Variants in CACNA2D1 observed in about 807,000 individuals in gnomAD.
CACNA2D1 encodes calcium voltage-gated channel auxiliary subunit alpha2delta 1.
A neutral mutation model predicts 171.5 loss-of-function variants in CACNA2D1; 53 were observed. The observed-to-expected ratio is 0.31, with a 90% confidence interval of 0.25 to 0.39. The LOEUF is 0.39. CACNA2D1 is among the 10% of genes least tolerant of loss of function. CACNA2D1 has a pLI of 1.00. For missense variants in CACNA2D1, 903 were observed against 1,299.8 expected, an observed-to-expected ratio of 0.69 and a Z score of 4.69; for synonymous variants, 442 against 443.1, an observed-to-expected ratio of 1.00 and a Z score of 0.03.
chr7:82,002,042 A>AAAAAAG (rs1345439249), intron 18 of CACNA2D1, among the ~76,000 whole-genome samples: 15 of 140,858 alleles, frequency 1.1e-4, no homozygotes, highest in African/African-American at 3.3e-4. Flanking sequence ...AAAAAAAAAA[A>AAAAAAG]AGAGAGAGAG....
chr7:82,217,859 AT>A lies in CACNA2D1; in HGVS notation c.295-47251del, dbSNP rs199938027. On this transcript the variant is annotated intron_variant, in intron 3 of 38. Coordinates refer to ENST00000356860, the MANE Select transcript of CACNA2D1 (RefSeq NM_000722.4). The stretch of plus-strand genomic sequence containing the variant: ...CAGTGACCTACCTACATGTACTGAA[AT>A]TTTTTTTTTTTAATGTGGGAGGCAC... Among the ~76,000 whole-genome samples, 170 of 145,290 alleles carry A rather than the reference AT, an allele frequency of 1.2e-3. 1 individual carries two copies. Among genetic ancestry groups the A allele is most frequent in the East Asian group, 0.011 (55 of 5,054 alleles).
chr7:82,165,928 G>C (rs1203612227), intron 4 of CACNA2D1, among the ~76,000 whole-genome samples: 2 of 151,882 alleles, frequency 1.3e-5, no homozygotes, highest in Non-Finnish European at 2.9e-5. Context: ...ACAATGCTAC[G>C]CTCTCACTTT....
intron 1 of CACNA2D1, among the ~76,000 whole-genome samples, chr7:82,440,726 G>A (rs983271653): frequency 2.6e-5 from 4 of 151,660 alleles, no homozygotes; most frequent in Non-Finnish European, 5.9e-5. Flanking sequence ...TTAAACAGGA[G>A]AGCAAAAAAT....
intron 3 of CACNA2D1, among the ~76,000 whole-genome samples, chr7:82,304,719 G>T (rs188871730): frequency 6.6e-6 from 1 of 152,100 alleles, no homozygotes; most frequent in South Asian, 2.1e-4. Flanking sequence ...TAGGGGAGGG[G>T]TGTATAGAGA....
At chr7:81,985,329 G>A (rs1796859781) in intron 21 of CACNA2D1, among the ~76,000 whole-genome samples, 1 of 150,442 alleles carries the variant, frequency 6.6e-6, no homozygotes, top group South Asian at 2.1e-4. Flanking sequence ...AGCCCCCGAA[G>A]TAGCTGGGAC....
At chr7:82,120,246 G>A (rs1789561132) in intron 5 of CACNA2D1, among the ~76,000 whole-genome samples, 1 of 152,032 alleles carries the variant, frequency 6.6e-6, no homozygotes, top group African/African-American at 2.4e-5. Context: ...AACAAGCCTT[G>A]CATGCAATTC....
At chr7:82,264,719 C>G (rs1585265469) in intron 3 of CACNA2D1, among the ~76,000 whole-genome samples, 1 of 152,200 alleles carries the variant, frequency 6.6e-6, no homozygotes, top group Non-Finnish European at 1.5e-5. Context: ...TGTCTCACAG[C>G]TGCACTTTCC....
At chr7:82,200,888 A>T (rs903089615) in intron 3 of CACNA2D1, among the ~76,000 whole-genome samples, 2 of 152,236 alleles carry the variant, frequency 1.3e-5, no homozygotes, top group African/African-American at 2.4e-5. Context: ...CTTTTGAGAC[A>T]AGCAATCTTA....
At chr7:82,258,255 A>G (rs1218543840) in intron 3 of CACNA2D1, among the ~76,000 whole-genome samples, 1 of 152,022 alleles carries the variant, frequency 6.6e-6, no homozygotes. Context: ...CATTTCCTTT[A>G]TAAATTACAG....
intron 3 of CACNA2D1, among the ~76,000 whole-genome samples, chr7:82,217,238 C>G (rs979040475): frequency 6.6e-6 from 1 of 151,434 alleles, no homozygotes; most frequent in African/African-American, 2.4e-5. Context: ...CACAAGGTGA[C>G]AGTATCCTGA....
intron 5 of CACNA2D1, among the ~76,000 whole-genome samples, chr7:82,126,235 A>G (rs1429303074): frequency 6.6e-6 from 1 of 152,202 alleles, no homozygotes; most frequent in Non-Finnish European, 1.5e-5. Flanking sequence ...TATAATCTCA[A>G]TTATCACACT....
chr7:82,074,373 G>A (rs1200584566), intron 7 of CACNA2D1, among the ~76,000 whole-genome samples: 1 of 151,902 alleles, frequency 6.6e-6, no homozygotes, highest in Non-Finnish European at 1.5e-5. Flanking sequence ...GATTACAGGT[G>A]CCCGCCATTA....
At chr7:82,186,355 C>T (rs1022799555) in intron 3 of CACNA2D1, among the ~76,000 whole-genome samples, 1 of 152,046 alleles carries the variant, frequency 6.6e-6, no homozygotes, top group Non-Finnish European at 1.5e-5. Context: ...CTTAAATACG[C>T]CCCCTGATTG....
At chr7:82,299,668 A>AG (rs1812763071) in intron 3 of CACNA2D1, among the ~76,000 whole-genome samples, 1 of 152,010 alleles carries the variant, frequency 6.6e-6, no homozygotes, top group Non-Finnish European at 1.5e-5. Context: ...TCAAAAAAAA[A>AG]AAAAAAAGTT....
At chr7:82,179,174 C>T (rs1796859885) in intron 3 of CACNA2D1, among the ~76,000 whole-genome samples, 1 of 151,974 alleles carries the variant, frequency 6.6e-6, no homozygotes, top group South Asian at 2.1e-4. Context: ...CAAGGATACA[C>T]CCTAATCCAT....
intron 3 of CACNA2D1, among the ~76,000 whole-genome samples, chr7:82,319,021 G>A (rs1443447165): frequency 3.3e-5 from 5 of 152,022 alleles, no homozygotes; most frequent in African/African-American, 9.7e-5. Context: ...AGAAAGCTTG[G>A]GAATTAAATG....
At chr7:82,325,734 A>G (rs1416596796) in intron 3 of CACNA2D1, among the ~76,000 whole-genome samples, 2 of 152,230 alleles carry the variant, frequency 1.3e-5, no homozygotes, top group African/African-American at 4.8e-5. Flanking sequence ...TAAGCTTTTA[A>G]ACAAATGACA....
chr7:82,206,112 ATG>A (rs1172609836), intron 3 of CACNA2D1, among the ~76,000 whole-genome samples: 2 of 152,020 alleles, frequency 1.3e-5, no homozygotes, highest in African/African-American at 4.8e-5. Context: ...TATGACTTGA[ATG>A]TAAATGTTTT....
intron 3 of CACNA2D1, among the ~76,000 whole-genome samples, chr7:82,322,505 G>A (rs1218044766): frequency 1.3e-5 from 2 of 150,868 alleles, no homozygotes; most frequent in African/African-American, 4.9e-5. Flanking sequence ...CATATGTCTC[G>A]CTACTCAAGA....
Sources: gnomAD v4.1 joint callset for allele counts (sites outside exome capture counted in the v4.1 genomes callset) on GRCh38, gnomAD v4.1.1 for gene constraint, MANE v1.5 for transcripts, NCBI Gene and HGNC (gene_info 2026-07-23, HGNC 2026-07-21) for gene names.